IPPK: variants seen among roughly 807,000 people sequenced by gnomAD.
The protein encoded by IPPK is inositol-pentakisphosphate 2-kinase, also known as IPK1 homolog.
A neutral mutation model predicts 64.6 loss-of-function variants in IPPK; 22 were observed. The observed-to-expected ratio is 0.34, with a 90% CI of 0.24 to 0.49. The LOEUF (loss-of-function observed/expected upper bound fraction) is 0.49. IPPK is among the 20% of genes least tolerant of loss of function. The pLI is 0.99. For missense variants in IPPK, 532 were observed against 630.7 expected, an observed-to-expected ratio of 0.84 and a Z score of 1.68; for synonymous variants, 262 against 247.2, an observed-to-expected ratio of 1.06 and a Z score of -0.56.
Position 92,635,393 on chromosome 9 carries a change from C to T in IPPK, c.917-85G>A, listed in dbSNP as rs1333417068. 2.8e-6 allele frequency: 4 copies of T among 1,433,282 alleles called. No individual in the cohort carries two copies. The highest frequency in any genetic ancestry group is 1.4e-5 in the African/African-American group (1 of 70,444). The allele number at this position is 1,433,282 out of a possible 1,614,324, so 88.8% of individuals were successfully genotyped here. On this transcript the variant is annotated intron_variant, in intron 9 of 12. Coordinates refer to ENST00000287996, the MANE Select transcript of IPPK (RefSeq NM_022755.6). This position sits in a 1 kb window ranked among gnomAD's most constrained non-coding sequence, Gnocchi z 4.4. ...ACACAGGCCGGCGCAGACCGCAGGGCTCATCCTGGGCTCCGCCATACGGGC... is the reference window on the plus strand; with the variant it reads ...ACACAGGCCGGCGCAGACCGCAGGGTTCATCCTGGGCTCCGCCATACGGGC...
chr9:92,648,019 G>C (rs200886920), intron 6 of IPPK, 40 bp downstream of exon 6: 1 of 1,416,766 alleles, frequency 7.1e-7, no homozygotes, highest in Non-Finnish European at 9.9e-7. Flanking sequence ...GATCCCCAGC[G>C]TGCAGCTAGA....
intron 1 of IPPK, among the ~76,000 whole-genome samples, 186 bp downstream of exon 1, chr9:92,669,722 G>C (rs953489787): frequency 6.6e-6 from 1 of 151,440 alleles, no homozygotes; most frequent in Non-Finnish European, 1.5e-5. Flanking sequence ...GGATACTGGG[G>C]TGATGAGGAA....
chr9:92,621,207 T>C (rs1383117671), intron 11 of IPPK, among the ~76,000 whole-genome samples: 1 of 101,714 alleles, frequency 9.8e-6, no homozygotes, highest in East Asian at 3.0e-4. Flanking sequence ...GATTTCAACA[T>C]ATAAATTTGG....
chr9:92,639,194 G>T (rs893088438), intron 8 of IPPK, among the ~76,000 whole-genome samples: 1 of 152,034 alleles, frequency 6.6e-6, no homozygotes, highest in African/African-American at 2.4e-5. Context: ...GAACACAGGC[G>T]CACACCACCA....
chr9:92,663,364 G>C (rs964135398), intron 1 of IPPK, among the ~76,000 whole-genome samples: 6 of 152,184 alleles, frequency 3.9e-5, no homozygotes, highest in Admixed American at 3.9e-4. Flanking sequence ...CTGGGCATGG[G>C]GCAGGCTCTA....
chr9:92,649,647 C>A, intron 4 of IPPK, 73 bp from the exon 5 acceptor site: 1 of 1,569,134 alleles, frequency 6.4e-7, no homozygotes, highest in Non-Finnish European at 8.7e-7. Flanking sequence ...CCAAAACAGG[C>A]CCCGCCTTGT....
intron 11 of IPPK, among the ~76,000 whole-genome samples, chr9:92,629,071 G>C (rs1312129407): frequency 6.6e-6 from 1 of 152,114 alleles, no homozygotes; most frequent in East Asian, 1.9e-4. Context: ...CTGTGTGACA[G>C]AGCAAGACCC....
In IPPK at chr9:92,652,564, C is replaced by T; in HGVS notation, c.292+9G>A. On this transcript the variant is annotated intron_variant, in intron 4 of 12. Coordinates refer to ENST00000287996, the MANE Select transcript of IPPK (RefSeq NM_022755.6). ...TTACAAACAATATCTGTAAGTTAAACACCCTTACCTGGTCTTTCAGATTGT... is the reference window on the plus strand; with the variant it reads ...TTACAAACAATATCTGTAAGTTAAATACCCTTACCTGGTCTTTCAGATTGT... 1 of 1,455,164 alleles carries T rather than the reference C, an allele frequency of 6.9e-7. No homozygotes were observed. The highest frequency in any genetic ancestry group is 1.3e-5 in the South Asian group (1 of 76,962). 90.1% of individuals were successfully genotyped at this position (1,455,164 alleles called of 1,614,324 possible). A position where few individuals can be genotyped will look rare whatever the true frequency, so the allele number is the denominator to read the frequency against.
chr9:92,635,184 T>C lies in IPPK; in HGVS notation c.1041A>G (p.Arg347=). The part of the protein sequence containing the change: ...GLYPLYNRVE[R]YLEEFPEERK... Reference sequence around the variant, plus strand: ...TCTCCTCGGGAAACTCTTCCAGGTATCGCTCAACCCGGTTGTACAGAGGGT... The same window carrying C: ...TCTCCTCGGGAAACTCTTCCAGGTACCGCTCAACCCGGTTGTACAGAGGGT... The change falls in exon 10 of 13, where the codon CGA becomes CGG. Residue 347 remains arginine (R), a synonymous_variant. Coordinates refer to ENST00000287996, the MANE Select transcript of IPPK (RefSeq NM_022755.6). The surrounding 1 kb of genome is among the most constrained non-coding windows in gnomAD (Gnocchi z 4.4). 6.2e-7 allele frequency: 1 copy of C among 1,613,440 alleles called. No individual in the cohort carries two copies. Among genetic ancestry groups the C allele is most frequent in the Middle Eastern group, 1.7e-4 (1 of 6,044 alleles).
intron 1 of IPPK, among the ~76,000 whole-genome samples, chr9:92,665,814 C>CA (rs201137424): frequency 0.037 from 5,604 of 151,254 alleles, 118 homozygotes; most frequent in African/African-American, 0.045. Context: ...TGCTGTATGG[C>CA]AAAAAAAATA....
At chr9:92,651,793 G>A (rs1852272179) in intron 4 of IPPK, among the ~76,000 whole-genome samples, 2 of 152,188 alleles carry the variant, frequency 1.3e-5, no homozygotes, top group South Asian at 4.1e-4. Context: ...TCAGCTAACT[G>A]AAATCTCTGC....
intron 11 of IPPK, among the ~76,000 whole-genome samples, chr9:92,621,268 A>C (rs1250703038): frequency 6.6e-6 from 1 of 152,212 alleles, no homozygotes; most frequent in Non-Finnish European, 1.5e-5. Context: ...GAGAGAAATC[A>C]AATATCAGAC....
chr9:92,628,459 A>G (rs560593360), intron 11 of IPPK, among the ~76,000 whole-genome samples: 109 of 152,388 alleles, frequency 7.2e-4, no homozygotes, highest in Admixed American at 9.1e-4. Flanking sequence ...GGGTACTGGC[A>G]TAAGTGCAGA....
chr9:92,670,050 C>T lies in IPPK; in HGVS notation c.-62G>A. 7.8e-7 allele frequency: 1 copy of T among 1,278,320 alleles called. No homozygotes were observed. Among genetic ancestry groups the T allele is most frequent in the Admixed American group, 2.0e-5 (1 of 50,394 alleles). The allele number at this position is 1,278,320 out of a possible 1,614,324, so 79.2% of individuals were successfully genotyped here. ...TCGGGGACGCGAGCTGGGGGCCGCC[C>T]GCCTCGCTGGGAACCAGCCGCTGCG... On this transcript the variant is annotated 5_prime_UTR_variant, in exon 1 of 13. Transcript: ENST00000287996.
chr9:92,667,808 CAGG>C (rs1468977388), intron 1 of IPPK, among the ~76,000 whole-genome samples: 5 of 151,922 alleles, frequency 3.3e-5, no homozygotes, highest in Admixed American at 6.6e-5. Flanking sequence ...GAGGCTGAGG[CAGG>C]AGAATTGCTT....
rs1303074667 is a variant in IPPK at position 92,614,584 on chromosome 9, C to CAAGTT, written c.*1243_*1247dup. 1 of 152,626 alleles carries CAAGTT rather than the reference C, an allele frequency of 6.6e-6. No homozygotes were observed. The highest frequency in any genetic ancestry group is 1.5e-5 in the Non-Finnish European group (1 of 68,038). 9.5% of individuals were successfully genotyped at this position (152,626 alleles called of 1,614,324 possible). ...CCTTGATTCAAACAAGTATAATTCT[C>CAAGTT]AAGTTATCACAAAATTTCCCACAAA... is the stretch of plus-strand genomic sequence containing the variant. On this transcript the variant is annotated 3_prime_UTR_variant, in exon 13 of 13. Transcript: ENST00000287996.
intron 2 of IPPK, among the ~76,000 whole-genome samples, chr9:92,658,075 C>T (rs775196973): frequency 6.6e-6 from 1 of 152,174 alleles, no homozygotes; most frequent in Non-Finnish European, 1.5e-5. Context: ...GAAGCCTCCG[C>T]GACTCGGTAT....
chr9:92,617,735 G>A (rs1588328230), intron 12 of IPPK: 4 of 165,434 alleles, frequency 2.4e-5, no homozygotes, highest in East Asian at 1.8e-4. Flanking sequence ...AGCCAAGGCC[G>A]CACACTGTGT....
intron 4 of IPPK, 55 bp from the exon 5 acceptor site, chr9:92,649,629 A>G: frequency 6.2e-7 from 1 of 1,603,242 alleles, no homozygotes; most frequent in Non-Finnish European, 8.5e-7. Context: ...AGATGAGATG[A>G]TCCCTGCCCA....
Sources: allele counts gnomAD v4.1 joint callset (sites outside exome capture counted in the v4.1 genomes callset), GRCh38; gene constraint gnomAD v4.1.1; non-coding constraint Gnocchi (gnomAD v3.1); transcripts MANE v1.5; gene names NCBI Gene and HGNC (gene_info 2026-07-23, HGNC 2026-07-21).